AGBL1: variants seen among roughly 807,000 people sequenced by gnomAD.
AGBL1 encodes the protein cytosolic carboxypeptidase 4.
Under a neutral mutation model 118.9 loss-of-function variants are expected in AGBL1, and 130 were observed. The ratio of observed to expected loss-of-function variants is 1.09; its 90% CI spans 0.95 to 1.26. The LOEUF is 1.26. Ranked by LOEUF, AGBL1 falls within the 50% of genes most tolerant of loss-of-function variation. AGBL1 has a pLI of 0.00. For synonymous variants in AGBL1, 555 were observed against 478.9 expected (o/e 1.16, Z -2.08); for missense variants, 1,584 against 1,298.1 (o/e 1.22, Z -3.38).
intron 18 of AGBL1, among the ~76,000 whole-genome samples, chr15:86,456,046 G>A (rs1280540987): frequency 6.6e-6 from 1 of 152,080 alleles, no homozygotes; most frequent in Non-Finnish European, 1.5e-5. Context: ...TCACTTCGAT[G>A]TTCTGTATAG....
At chr15:86,376,655 C>G (rs1350328125) in intron 17 of AGBL1, among the ~76,000 whole-genome samples, 1 of 152,200 alleles carries the variant, frequency 6.6e-6, no homozygotes, top group Non-Finnish European at 1.5e-5. Flanking sequence ...CCTGCAGTCT[C>G]TCTCCTTGCA....
intron 17 of AGBL1, among the ~76,000 whole-genome samples, chr15:86,313,140 A>G (rs2079945255): frequency 6.6e-6 from 1 of 152,188 alleles, no homozygotes; most frequent in Admixed American, 6.5e-5. Flanking sequence ...CACTTTAGTC[A>G]TGGTAAGAAG....
intron 22 of AGBL1, among the ~76,000 whole-genome samples, chr15:86,764,183 C>T (rs78618596): frequency 1.3e-5 from 2 of 151,926 alleles, no homozygotes; most frequent in Admixed American, 6.6e-5. Flanking sequence ...TTGAACCTTA[C>T]AATATACACG....
At chr15:86,850,557 G>A (rs759115072) in intron 22 of AGBL1, among the ~76,000 whole-genome samples, 4 of 152,134 alleles carry the variant, frequency 2.6e-5, no homozygotes, top group Non-Finnish European at 4.4e-5. Flanking sequence ...AATTCTTTCT[G>A]CATCAAAACC....
At chr15:86,149,843 C>T (rs2077083478) in intron 3 of AGBL1, among the ~76,000 whole-genome samples, 1 of 152,194 alleles carries the variant, frequency 6.6e-6, no homozygotes, top group South Asian at 2.1e-4. Flanking sequence ...AGCACCACAT[C>T]ACATTTATTC....
chr15:86,657,544 G>A (rs904062483), intron 21 of AGBL1, among the ~76,000 whole-genome samples: 1 of 152,134 alleles, frequency 6.6e-6, no homozygotes, highest in Admixed American at 6.6e-5. Flanking sequence ...ATTGCCCCAT[G>A]GGTTGGAAAG....
At chr15:86,572,636 T>C (rs2084026729) in intron 21 of AGBL1, among the ~76,000 whole-genome samples, 1 of 152,186 alleles carries the variant, frequency 6.6e-6, no homozygotes, top group Non-Finnish European at 1.5e-5. Flanking sequence ...GAGTGGGTCC[T>C]GCCCAGTCAC....
At chr15:86,194,666 T>C (rs962560093) in intron 5 of AGBL1, among the ~76,000 whole-genome samples, 19 of 152,160 alleles carry the variant, frequency 1.2e-4, no homozygotes, top group African/African-American at 4.6e-4. Flanking sequence ...AGATATATCA[T>C]GAGATAAATT....
intron 18 of AGBL1, among the ~76,000 whole-genome samples, chr15:86,449,881 A>G (rs1044557993): frequency 1.6e-4 from 24 of 152,132 alleles, no homozygotes; most frequent in Non-Finnish European, 2.8e-4. Flanking sequence ...GGCCAGTGAC[A>G]TCCATGGCTC....
chr15:86,409,146 C>T (rs371943694), intron 18 of AGBL1, among the ~76,000 whole-genome samples: 33 of 152,108 alleles, frequency 2.2e-4, no homozygotes, highest in Non-Finnish European at 3.4e-4. Flanking sequence ...GCAGGGCATC[C>T]GCAATGCGTC....
At chr15:86,533,575 C>G (rs1180664135) in intron 19 of AGBL1, among the ~76,000 whole-genome samples, 2 of 137,456 alleles carry the variant, frequency 1.5e-5, no homozygotes, top group Admixed American at 1.4e-4. Flanking sequence ...GGATCTAGAA[C>G]TAGAAATACC....
At chr15:86,360,241 A>T (rs140886707) in intron 17 of AGBL1, among the ~76,000 whole-genome samples, 270 of 151,028 alleles carry the variant, frequency 1.8e-3, no homozygotes, top group African/African-American at 6.3e-3. Flanking sequence ...TTTTGTTGAG[A>T]GTTTCAATCA....
intron 17 of AGBL1, among the ~76,000 whole-genome samples, chr15:86,388,622 T>G (rs1338718939): frequency 6.6e-6 from 1 of 152,216 alleles, no homozygotes; most frequent in Non-Finnish European, 1.5e-5. Context: ...TACATGGTAC[T>G]TCTTCCCTCA....
At chr15:86,715,787 G>C (rs145335291) in intron 22 of AGBL1, among the ~76,000 whole-genome samples, 4 of 152,040 alleles carry the variant, frequency 2.6e-5, no homozygotes, top group African/African-American at 7.2e-5. Context: ...GGCCGGGTGC[G>C]GTGGCTCACA....
At chr15:86,140,566 T>C (rs1426403251) in intron 1 of AGBL1, among the ~76,000 whole-genome samples, 1 of 151,654 alleles carries the variant, frequency 6.6e-6, no homozygotes, top group Non-Finnish European at 1.5e-5. Flanking sequence ...GGGGGTGGAG[T>C]GGGAAGCAAG....
intron 3 of AGBL1, among the ~76,000 whole-genome samples, chr15:86,152,318 G>A (rs1360312797): frequency 6.6e-6 from 1 of 151,298 alleles, no homozygotes; most frequent in Non-Finnish European, 1.5e-5. Flanking sequence ...TACCAAAACA[G>A]ATAGACTAAT....
intron 5 of AGBL1, among the ~76,000 whole-genome samples, chr15:86,165,171 C>T (rs1354748565): frequency 1.3e-5 from 2 of 152,108 alleles, no homozygotes; most frequent in African/African-American, 4.8e-5. Context: ...ACCTTAGTCT[C>T]CTGTTGGCTG....
intron 22 of AGBL1, among the ~76,000 whole-genome samples, chr15:86,791,728 T>TTTTATATA (rs1555450536): frequency 7.0e-6 from 1 of 142,874 alleles, no homozygotes; most frequent in East Asian, 2.0e-4. Context: ...TCCTTGTTTT[T>TTTTATATA]TATATATATA....
At chr15:86,571,971 C>G (rs879528537) in intron 21 of AGBL1, among the ~76,000 whole-genome samples, 2 of 152,316 alleles carry the variant, frequency 1.3e-5, no homozygotes, top group African/African-American at 4.8e-5. Context: ...CTCAGCACCC[C>G]CTTAGCCTCC....
Sources: gnomAD v4.1 joint callset for allele counts (sites outside exome capture counted in the v4.1 genomes callset) on GRCh38, gnomAD v4.1.1 for gene constraint, MANE v1.5 for transcripts, NCBI Gene and HGNC (gene_info 2026-07-23, HGNC 2026-07-21) for gene names.